The following GLYAT variants were observed in gnomAD, a reference collection of about 807,000 sequenced individuals.
The protein encoded by GLYAT is glycine-N-acyltransferase.
Under a neutral mutation model 22.8 loss-of-function variants are expected in GLYAT, and 25 were observed. The ratio of observed to expected loss-of-function variants is 1.09; its 90% CI spans 0.80 to 1.53. The LOEUF is 1.53. GLYAT is among the 40% of genes most tolerant of loss of function. The pLI, the probability that GLYAT is intolerant of heterozygous loss-of-function variation, is 0.00. For synonymous variants in GLYAT, 140 were observed against 122.7 expected (o/e 1.14, Z -0.93); for missense variants, 411 against 353.9 (o/e 1.16, Z -1.29).
chr11:58,728,836 A>G (rs548575750), intron 1 of GLYAT: 1 of 145,518 alleles, frequency 6.9e-6, no homozygotes, highest in African/African-American at 2.5e-5. Flanking sequence ...AAGAAAAAGA[A>G]AAAAAGGAAA....
In GLYAT at chr11:58,711,085, G is replaced by A. The variant is rs116181981; in HGVS notation, c.317-324C>T. Among the ~76,000 whole-genome samples, 1,370 of 152,244 alleles carry A rather than the reference G, an allele frequency of 9.0e-3. 34 individuals carry two copies. Among genetic ancestry groups the A allele is most frequent in the African/African-American group, 0.031 (1,299 of 41,518 alleles). On this transcript the variant is annotated intron_variant, in intron 4 of 5. Coordinates refer to ENST00000344743, the MANE Select transcript of GLYAT (RefSeq NM_201648.3). The stretch of plus-strand genomic sequence containing the variant: ...TTGTGTTCTTAGCTCCCACAGTTTA[G>A]CCTAAATATTTACCCTGGCATACTT...
At position 58,709,509 on chromosome 11, in the gene GLYAT, T is replaced by C. The variant is rs1018278544; in HGVS notation, c.*257A>G. The stretch of plus-strand genomic sequence containing the variant: ...GGAGCAATATGTATCTGATGAAGTG[T>C]CATAGAGGTCCTGGAAATGTGGGGA... On this transcript the variant is annotated 3_prime_UTR_variant, in exon 6 of 6. Coordinates refer to ENST00000344743, the MANE Select transcript of GLYAT (RefSeq NM_201648.3). 7 of 395,438 alleles carry C rather than the reference T, an allele frequency of 1.8e-5. No homozygotes were observed. Among genetic ancestry groups the C allele is most frequent in the Non-Finnish European group, 2.7e-5 (6 of 220,398 alleles). The allele number at this position is 395,438 out of a possible 1,614,324, so 24.5% of individuals were successfully genotyped here.
At position 58,715,479 on chromosome 11, in the gene GLYAT, T is replaced by A. The variant is rs1336918281; in HGVS notation, c.82-56A>T. The A allele has an allele frequency of 2.9e-5, 23 of 798,928 alleles. No individual in the cohort carries two copies. In the East Asian group the frequency reaches 5.6e-4, roughly 20 times the overall value. The allele number at this position is 798,928 out of a possible 1,614,324, so 49.5% of individuals were successfully genotyped here. On this transcript the variant is annotated intron_variant, in intron 2 of 5. Transcript: ENST00000344743. The stretch of plus-strand genomic sequence containing the variant: ...GTTTATTTGAAAAAAACAGTAAAGT[T>A]TCTTGCTTGATTAGGACAAAAATTA...
chr11:58,709,455 G>T lies in GLYAT; in HGVS notation c.*311C>A. The T allele has an allele frequency of 4.6e-6, 1 of 217,110 alleles. No homozygotes were observed. Among genetic ancestry groups the T allele is most frequent in the Non-Finnish European group, 9.1e-6 (1 of 109,728 alleles). 13.4% of individuals were successfully genotyped at this position (217,110 alleles called of 1,614,324 possible). On this transcript the variant is annotated 3_prime_UTR_variant, in exon 6 of 6. Coordinates refer to ENST00000344743, the MANE Select transcript of GLYAT (RefSeq NM_201648.3). ...AAACTGGCAAGGGTCTTGCAACTGA[G>T]GAACCAGGGATTCCAGGAGAAGTAA...
At chr11:58,715,642 C>A (rs556192017) in intron 2 of GLYAT, among the ~76,000 whole-genome samples, 2 of 152,286 alleles carry the variant, frequency 1.3e-5, no homozygotes, top group South Asian at 4.1e-4. Context: ...ACTTGTCCAT[C>A]AGAGCCTTTA....
intron 4 of GLYAT, among the ~76,000 whole-genome samples, chr11:58,711,298 A>G (rs1425162663): frequency 1.3e-5 from 2 of 152,176 alleles, no homozygotes; most frequent in Non-Finnish European, 2.9e-5. Flanking sequence ...TGTTCCAGCC[A>G]ATGGAAACCA....
intron 2 of GLYAT, among the ~76,000 whole-genome samples, chr11:58,715,717 A>G (rs1856671850): frequency 6.6e-6 from 1 of 152,146 alleles, no homozygotes; most frequent in Non-Finnish European, 1.5e-5. Context: ...CATTGAACAT[A>G]TTGTGTACCT....
chr11:58,725,481 C>G (rs565535825), intron 1 of GLYAT, among the ~76,000 whole-genome samples: 1 of 152,086 alleles, frequency 6.6e-6, no homozygotes, highest in Non-Finnish European at 1.5e-5. Flanking sequence ...TAAAACTGGT[C>G]TGATGCAAGA....
chr11:58,723,743 G>A (rs1672753104), intron 2 of GLYAT, among the ~76,000 whole-genome samples: 1 of 151,654 alleles, frequency 6.6e-6, no homozygotes, highest in Admixed American at 6.6e-5. Flanking sequence ...CTCTATCATT[G>A]GAACTGCTCT....
chr11:58,715,170 T>C, intron 3 of GLYAT, 146 bp downstream of exon 3: 1 of 553,970 alleles, frequency 1.8e-6, no homozygotes, highest in Non-Finnish European at 3.2e-6. Flanking sequence ...ATCTTGTCTT[T>C]CAGACTCCGA....
chr11:58,716,621 T>C (rs1005768867), intron 2 of GLYAT, among the ~76,000 whole-genome samples: 12 of 152,106 alleles, frequency 7.9e-5, no homozygotes, highest in Non-Finnish European at 1.2e-4. Context: ...AAAATGAAAA[T>C]ATGTGAAACT....
At chr11:58,718,442 G>T (rs1421022125) in intron 2 of GLYAT, among the ~76,000 whole-genome samples, 2 of 151,972 alleles carry the variant, frequency 1.3e-5, no homozygotes, top group Non-Finnish European at 2.9e-5. Flanking sequence ...TTCCTATTTT[G>T]CTTGATACTC....
intron 2 of GLYAT, 25 bp downstream of exon 2, chr11:58,724,391 T>A: frequency 7.5e-7 from 1 of 1,327,466 alleles, no homozygotes; most frequent in Non-Finnish European, 1.1e-6. Context: ...TCTTCTTTAC[T>A]CCTCTCAGAA....
chr11:58,730,525 G>C (rs936032092), intron 1 of GLYAT, among the ~76,000 whole-genome samples: 11 of 152,176 alleles, frequency 7.2e-5, no homozygotes, highest in African/African-American at 2.4e-4. Flanking sequence ...ATGGGAAGGA[G>C]AGGAAGATTA....
At chr11:58,723,754 TGC>T (rs1856780327) in intron 2 of GLYAT, among the ~76,000 whole-genome samples, 1 of 151,926 alleles carries the variant, frequency 6.6e-6, no homozygotes, top group South Asian at 2.1e-4. Flanking sequence ...GAACTGCTCT[TGC>T]ATAGTTCTGG....
chr11:58,711,959 C>T (rs1856621713), intron 4 of GLYAT, among the ~76,000 whole-genome samples: 1 of 152,208 alleles, frequency 6.6e-6, no homozygotes, highest in African/African-American at 2.4e-5. Flanking sequence ...ATGTTGCCAT[C>T]ATGCTGTCAC....
chr11:58,711,360 G>A (rs868290088), intron 4 of GLYAT, among the ~76,000 whole-genome samples: 15 of 152,300 alleles, frequency 9.8e-5, no homozygotes, highest in Middle Eastern at 3.4e-3. Flanking sequence ...TGTCTCCTCT[G>A]TTCAGTTCTC....
intron 1 of GLYAT, among the ~76,000 whole-genome samples, chr11:58,729,291 C>A (rs960330192): frequency 6.6e-6 from 1 of 152,190 alleles, no homozygotes. Context: ...ATCCCTAGTG[C>A]TCTTTTCACT....
chr11:58,715,422 A>C lies in GLYAT; in HGVS notation c.83T>G (p.Val28Gly). Residue 28 changes from valine (V) to glycine (G), a missense_variant and splice_region_variant, in exon 3 of 6, where the codon GTT (valine) becomes GGT (glycine). Physicochemically the swap from Val to Gly is moderately radical, Grantham distance 109. Transcript: ENST00000344743. The stretch of plus-strand genomic sequence containing the variant: ...GTTTATGTGAAAGACAGTTCCATAA[A>C]CCTGCAGGATCCCAAGAAATTGACA... ...LRKSLPASLK[V>G]YGTVFHINHG... is the part of the protein sequence containing the mutation. 1 of 1,458,554 alleles carries C rather than the reference A, an allele frequency of 6.9e-7. No individual in the cohort carries two copies. Among genetic ancestry groups the C allele is most frequent in the South Asian group, 1.2e-5 (1 of 86,210 alleles). 90.4% of individuals were successfully genotyped at this position (1,458,554 alleles called of 1,614,324 possible).
Sources: gnomAD v4.1 joint callset for allele counts (sites outside exome capture counted in the v4.1 genomes callset) on GRCh38, gnomAD v4.1.1 for gene constraint, MANE v1.5 for transcripts, NCBI Gene and HGNC (gene_info 2026-07-23, HGNC 2026-07-21) for gene names.